Variants in PCDHGB3 observed in about 807,000 individuals in gnomAD.
The protein encoded by PCDHGB3 is protocadherin gamma-B3.
Under a neutral mutation model 59.2 loss-of-function variants are expected in PCDHGB3, and 40 were observed. The observed-to-expected ratio is 0.68, with a 90% confidence interval of 0.52 to 0.88. The LOEUF is 0.88. PCDHGB3 is among the 40% of genes least tolerant of loss of function. The probability of loss-of-function intolerance (pLI) is 0.00; values close to 1 mark genes in which losing one functional copy is unlikely to be tolerated. For missense variants in PCDHGB3, 1,309 were observed against 1,187.9 expected (o/e 1.10, Z -1.50); for synonymous variants, 581 against 503.6 (o/e 1.15, Z -2.06).
At chr5:141,459,302 A>T (rs1401348885) in intron 1 of PCDHGB3, among the ~76,000 whole-genome samples, 1 of 152,210 alleles carries the variant, frequency 6.6e-6, no homozygotes, top group African/African-American at 2.4e-5. Flanking sequence ...CCTATAACAT[A>T]TACTATTTTG....
intron 1 of PCDHGB3, chr5:141,399,489 A>G (rs764497801): frequency 2.5e-6 from 4 of 1,614,008 alleles, no homozygotes; most frequent in South Asian, 1.1e-5. Context: ...CGTCCTACTT[A>G]GTCAGTGTAC....
At chr5:141,470,983 C>G (rs1486663328) in intron 1 of PCDHGB3, among the ~76,000 whole-genome samples, 2 of 151,528 alleles carry the variant, frequency 1.3e-5, no homozygotes, top group African/African-American at 4.9e-5. Context: ...TCCCAAAGTG[C>G]TGGGACTACA....
chr5:141,420,271 A>G, intron 1 of PCDHGB3: 1 of 1,536,584 alleles, frequency 6.5e-7, no homozygotes, highest in Non-Finnish European at 8.8e-7. Flanking sequence ...AGATTCTTAA[A>G]CAGGTAAGTA....
intron 1 of PCDHGB3, chr5:141,389,333 C>T (rs753436946): frequency 6.2e-7 from 1 of 1,614,016 alleles, no homozygotes; most frequent in South Asian, 1.1e-5. Flanking sequence ...GGCCCAACGG[C>T]CAAGTCTCTT....
rs1441791773 is a variant in PCDHGB3, at chr5:141,486,038, G to A, written c.2416-8769G>A. The A allele has an allele frequency of 1.9e-6, 3 of 1,614,066 alleles. No individual in the cohort carries two copies. The highest frequency in any genetic ancestry group is 1.1e-5 in the South Asian group (1 of 91,088). On this transcript the variant is annotated intron_variant, in intron 1 of 3. Coordinates refer to ENST00000576222, the MANE Select transcript of PCDHGB3 (RefSeq NM_018924.5). The surrounding 1 kb of genome is among the most constrained non-coding windows in gnomAD (Gnocchi z 5.0). ...TTTCAGTGGTCATACCCCTGATCGT[G>A]TAAGAAACCTCTTTAGCCTGCACCC...
chr5:141,438,576 A>C (rs1016175176), intron 1 of PCDHGB3, among the ~76,000 whole-genome samples: 4 of 55,572 alleles, frequency 7.2e-5, no homozygotes, highest in Non-Finnish European at 1.2e-4. Context: ...TCTGATATAC[A>C]TACATACATA....
chr5:141,433,115 G>T, intron 1 of PCDHGB3: 1 of 1,613,762 alleles, frequency 6.2e-7, no homozygotes, highest in Non-Finnish European at 8.5e-7. Context: ...GGAGAGCTTT[G>T]AAAAAAGCGA....
rs376890554 is a variant in PCDHGB3 at position 141,408,250 on chromosome 5, G to A, written c.2415+35441G>A. 3.6e-4 allele frequency: 569 copies of A among 1,595,986 alleles called. 5 individuals are homozygous for A. The highest frequency in any genetic ancestry group is 1.7e-3 in the South Asian group (151 of 89,354). On this transcript the variant is annotated intron_variant, in intron 1 of 3. Coordinates refer to ENST00000576222, the MANE Select transcript of PCDHGB3 (RefSeq NM_018924.5). ...GGCGCCGGGCCGGCCCGCGGCAGGT[G>A]CTATTTCCTTTGCTGCTGCCTTTGT... is the stretch of plus-strand genomic sequence containing the variant.
In PCDHGB3 at chr5:141,370,451, C is replaced by A; in HGVS notation, c.57C>A (p.Leu19=). ...CAGGGCAGAGGCGAATGCTATTTCT[C>A]TTCCTGCTCTCTTTGTTAGACCAGG... ...GPAGQRRMLF[L]FLLSLLDQAL... Residue 19 remains leucine, a synonymous_variant, in exon 1 of 4, where the codon CTC becomes CTA. Transcript: ENST00000576222. The A allele has an allele frequency of 6.2e-7, 1 of 1,611,138 alleles. No homozygotes were observed. The highest frequency in any genetic ancestry group is 8.5e-7 in the Non-Finnish European group (1 of 1,178,424).
In PCDHGB3 at chr5:141,487,120, T is replaced by C. The variant is rs1342042604; in HGVS notation, c.2416-7687T>C. 1.9e-6 allele frequency: 3 copies of C among 1,613,948 alleles called. No homozygotes were observed. Among genetic ancestry groups the C allele is most frequent in the Admixed American group, 1.7e-5 (1 of 60,028 alleles). ...AGAAGCTGGTCATTGTGGTAAAGGA[T>C]AGTGGTAGTCCACCACTCTCTACCT... On this transcript the variant is annotated intron_variant, in intron 1 of 3. Coordinates refer to ENST00000576222, the MANE Select transcript of PCDHGB3 (RefSeq NM_018924.5). The surrounding 1 kb of genome is among the most constrained non-coding windows in gnomAD (Gnocchi z 5.0).
At chr5:141,409,039 C>A (rs2095214342) in intron 1 of PCDHGB3, 1 of 1,614,004 alleles carries the variant, frequency 6.2e-7, no homozygotes, top group Non-Finnish European at 8.5e-7. Flanking sequence ...AGATAAACTA[C>A]TACTTCCGAA....
chr5:141,482,016 C>T (rs2099550411), intron 1 of PCDHGB3, among the ~76,000 whole-genome samples: 1 of 148,596 alleles, frequency 6.7e-6, no homozygotes, highest in African/African-American at 2.5e-5. Context: ...TCTCAGGAAG[C>T]AGAGGTTGCA....
intron 1 of PCDHGB3, chr5:141,393,783 G>C: frequency 6.2e-7 from 1 of 1,613,982 alleles, no homozygotes. Context: ...AGCCGAAGAT[G>C]TGGGGGCACT....
intron 1 of PCDHGB3, chr5:141,404,204 T>A: frequency 6.2e-7 from 1 of 1,613,718 alleles, no homozygotes; most frequent in Non-Finnish European, 8.5e-7. Context: ...AGCCTCAGAA[T>A]ATAATATCAC....
At position 141,486,254 on chromosome 5, in the gene PCDHGB3, G is replaced by A. The variant is rs2099626723; in HGVS notation, c.2416-8553G>A. ...GACCTCAGAGCTTGGAACCCTCCCCGAGAGTGCAGAACCTGGCACTGTGGT... is the reference window on the plus strand; with the variant it reads ...GACCTCAGAGCTTGGAACCCTCCCCAAGAGTGCAGAACCTGGCACTGTGGT... On this transcript the variant is annotated intron_variant, in intron 1 of 3. Transcript: ENST00000576222. This position sits in a 1 kb window ranked among gnomAD's most constrained non-coding sequence, Gnocchi z 5.0. The A allele has an allele frequency of 1.2e-6, 2 of 1,613,992 alleles. No individual in the cohort carries two copies. Among genetic ancestry groups the A allele is most frequent in the Non-Finnish European group, 1.7e-6 (2 of 1,179,982 alleles).
intron 1 of PCDHGB3, chr5:141,426,993 G>A (rs1331210977): frequency 1.1e-5 from 5 of 456,742 alleles, no homozygotes; most frequent in Middle Eastern, 3.3e-4. Context: ...CAACGATAAT[G>A]CCCCAGTTTT....
At chr5:141,464,759 ACAGG>A (rs2099090169) in intron 1 of PCDHGB3, among the ~76,000 whole-genome samples, 1 of 152,158 alleles carries the variant, frequency 6.6e-6, no homozygotes, top group Non-Finnish European at 1.5e-5. Context: ...TTTTTTAGAG[ACAGG>A]AATCTTGTTC....
chr5:141,383,031 T>C (rs778307271), intron 1 of PCDHGB3: 2 of 1,613,670 alleles, frequency 1.2e-6, no homozygotes, highest in African/African-American at 2.7e-5. Flanking sequence ...AAGGGTCCTT[T>C]GTGGGAGACA....
chr5:141,405,177 G>A, intron 1 of PCDHGB3: 3 of 1,614,140 alleles, frequency 1.9e-6, no homozygotes, highest in African/African-American at 1.3e-5. Flanking sequence ...CACTTTGTGG[G>A]TGTAGATGGG....
Sources: gnomAD v4.1 joint callset for allele counts (sites outside exome capture counted in the v4.1 genomes callset) on GRCh38, gnomAD v4.1.1 for gene constraint, Gnocchi (gnomAD v3.1) non-coding constraint, MANE v1.5 for transcripts, NCBI Gene and HGNC (gene_info 2026-07-23, HGNC 2026-07-21) for gene names.